Variants in SLC35D1 observed in about 807,000 individuals in gnomAD.
SLC35D1 encodes the protein solute carrier family 35 member D1, also known as nucleotide sugar transporter SLC35D1.
Under a neutral mutation model 46.7 loss-of-function variants are expected in SLC35D1, and 31 were observed. The observed-to-expected ratio is 0.66, with a 90% CI of 0.50 to 0.90. The LOEUF (loss-of-function observed/expected upper bound fraction) is 0.90. SLC35D1 is among the 40% of genes least tolerant of loss of function. SLC35D1 has a pLI of 0.00. For missense variants in SLC35D1, 397 were observed against 426.2 expected (o/e 0.93, Z 0.60); for synonymous variants, 195 against 164.6 (o/e 1.18, Z -1.41).
rs945039958 is a variant in SLC35D1 at position 67,047,350 on chromosome 1, T to A, written c.551A>T (p.Asp184Val). 1.9e-6 allele frequency: 3 copies of A among 1,613,204 alleles called. No homozygotes were observed. In the South Asian group the frequency reaches 3.3e-5, roughly 18 times the overall value. ...CAGAATAAAAGCATATCCTTCCAGA[T>A]CAAATGCCAAGTCAGAGCTGCAAAA... ...FVAASSDLAF[D>V]LEGYAFILIN... The change falls in exon 7 of 12, where the codon GAT (aspartate) becomes GTT (valine). Residue 184 changes from aspartate to valine, a missense_variant. Physicochemically the swap from Asp to Val is radical, Grantham distance 152. Coordinates refer to ENST00000235345, the MANE Select transcript of SLC35D1 (RefSeq NM_015139.3).
chr1:66,984,769 G>A, the SLC35D1 span: 3 of 1,613,776 alleles, frequency 1.9e-6, no homozygotes, highest in Non-Finnish European at 2.5e-6. Context: ...TGATTTTGAT[G>A]AAAAAAGTGA....
intron 10 of SLC35D1, among the ~76,000 whole-genome samples, chr1:67,016,132 TTAATA>T (rs1417068246): frequency 2.0e-5 from 3 of 152,142 alleles, no homozygotes; most frequent in African/African-American, 7.2e-5. Flanking sequence ...AAATGTGTTA[TTAATA>T]TATGTTCTAA....
At chr1:67,047,689 G>C (rs1645266383) in intron 6 of SLC35D1, among the ~76,000 whole-genome samples, 1 of 152,188 alleles carries the variant, frequency 6.6e-6, no homozygotes, top group Non-Finnish European at 1.5e-5. Flanking sequence ...CTGTGAAGCA[G>C]GCAGAAGCAG....
In SLC35D1 at chr1:67,049,870, A is replaced by G. The variant is rs766984098; in HGVS notation, c.465-20T>C. 1.3e-6 allele frequency: 2 copies of G among 1,563,148 alleles called. No individual in the cohort carries two copies. On this transcript the variant is annotated intron_variant, in intron 5 of 11. Coordinates refer to ENST00000235345, the MANE Select transcript of SLC35D1 (RefSeq NM_015139.3). ...GTCTTCCTACAAAACAAAAAATTTT[A>G]AAATACACACATGACTTTATTCCCA...
intron 10 of SLC35D1, among the ~76,000 whole-genome samples, chr1:67,012,272 T>A (rs1667581419): frequency 6.6e-6 from 1 of 152,216 alleles, no homozygotes; most frequent in African/African-American, 2.4e-5. Context: ...TGACTGGTGG[T>A]ACCCCACATA....
intron 8 of SLC35D1, among the ~76,000 whole-genome samples, chr1:67,032,409 G>C (rs1009371120): frequency 3.3e-5 from 5 of 151,934 alleles, no homozygotes; most frequent in Admixed American, 3.3e-4. Flanking sequence ...GGCTGGGCTC[G>C]GTGGCTCACA....
the SLC35D1 span, among the ~76,000 whole-genome samples, chr1:66,979,386 A>C: frequency 6.6e-6 from 1 of 152,194 alleles, no homozygotes; most frequent in African/African-American, 2.4e-5. Flanking sequence ...ATTATCCTGA[A>C]AGTCATTTGT....
At chr1:67,022,757 T>C (rs1447808367) in intron 8 of SLC35D1, among the ~76,000 whole-genome samples, 1 of 152,164 alleles carries the variant, frequency 6.6e-6, no homozygotes, top group East Asian at 1.9e-4. Flanking sequence ...TAGTCACAAA[T>C]GTATAATCAT....
intron 11 of SLC35D1, chr1:67,008,509 T>C: frequency 2.4e-6 from 3 of 1,252,762 alleles, no homozygotes; most frequent in South Asian, 1.3e-5. Context: ...CTTGTTAGAA[T>C]ACTGCAAATC....
intron 7 of SLC35D1, among the ~76,000 whole-genome samples, chr1:67,043,124 G>C (rs994643270): frequency 2.6e-5 from 4 of 152,044 alleles, no homozygotes; most frequent in Non-Finnish European, 4.4e-5. Flanking sequence ...GAACTCAGGA[G>C]GTGGAGATGC....
chr1:67,016,878 T>C (rs780332992), intron 10 of SLC35D1, among the ~76,000 whole-genome samples: 4 of 152,174 alleles, frequency 2.6e-5, no homozygotes, highest in Non-Finnish European at 4.4e-5. Flanking sequence ...AAGTTGACTT[T>C]ATAAAGCCAA....
chr1:67,030,498 A>C (rs935932489), intron 8 of SLC35D1, among the ~76,000 whole-genome samples: 1 of 152,224 alleles, frequency 6.6e-6, no homozygotes. Flanking sequence ...TCAGAATTAC[A>C]AAAAATATAT....
chr1:67,014,536 T>C (rs1317228938), intron 10 of SLC35D1, among the ~76,000 whole-genome samples: 1 of 152,068 alleles, frequency 6.6e-6, no homozygotes, highest in Non-Finnish European at 1.5e-5. Context: ...TAATATCAAA[T>C]TAACTTATAA....
chr1:67,011,904 C>A (rs1667573632), intron 10 of SLC35D1, among the ~76,000 whole-genome samples: 1 of 147,134 alleles, frequency 6.8e-6, no homozygotes, highest in Admixed American at 6.6e-5. Flanking sequence ...CATTTCTTCC[C>A]CAAAATAGTC....
At chr1:67,035,803 TTC>T (rs1347855794) in intron 8 of SLC35D1, among the ~76,000 whole-genome samples, 4 of 110,330 alleles carry the variant, frequency 3.6e-5, no homozygotes, top group Admixed American at 2.2e-4. Flanking sequence ...TTTGAAGTTT[TTC>T]TTTTTTTTTT....
intron 7 of SLC35D1, among the ~76,000 whole-genome samples, chr1:67,044,776 T>C (rs1645233122): frequency 6.6e-6 from 1 of 152,234 alleles, no homozygotes; most frequent in African/African-American, 2.4e-5. Context: ...ATATGACTCA[T>C]ACTCAATGGA....
chr1:67,048,305 T>C (rs576694016), intron 6 of SLC35D1, among the ~76,000 whole-genome samples: 1 of 152,336 alleles, frequency 6.6e-6, no homozygotes, highest in Admixed American at 6.5e-5. Context: ...TTTTCAGAAG[T>C]TTTTGTAGAC....
chr1:66,982,289 T>A, the SLC35D1 span, among the ~76,000 whole-genome samples: 1 of 152,172 alleles, frequency 6.6e-6, no homozygotes, highest in Non-Finnish European at 1.5e-5. Flanking sequence ...CATTGCAAAA[T>A]ACCTTGATGT....
chr1:67,010,402 T>G (rs1422851712), intron 10 of SLC35D1, among the ~76,000 whole-genome samples: 1 of 152,092 alleles, frequency 6.6e-6, no homozygotes, highest in Admixed American at 6.6e-5. Context: ...ATACAATGAC[T>G]GTTTTTAGAG....
Sources: allele counts gnomAD v4.1 joint callset (sites outside exome capture counted in the v4.1 genomes callset), GRCh38; gene constraint gnomAD v4.1.1; transcripts MANE v1.5; gene names NCBI Gene and HGNC (gene_info 2026-07-23, HGNC 2026-07-21).